CLINT1: variants seen among roughly 807,000 people sequenced by gnomAD.
CLINT1 encodes clathrin interacting protein localized in the trans-Golgi region.
CLINT1 carries 15 observed loss-of-function variants against 70.4 expected under a neutral mutation model. The ratio of observed to expected loss-of-function variants is 0.21; its 90% CI spans 0.14 to 0.33. The LOEUF (loss-of-function observed/expected upper bound fraction) is 0.33. Ranked by LOEUF, CLINT1 falls within the 10% of genes least tolerant of loss-of-function variation. The pLI is 1.00. For synonymous variants in CLINT1, 227 were observed against 254.7 expected (o/e 0.89, Z 1.04); for missense variants, 615 against 778.1 (o/e 0.79, Z 2.49).
chr5:157,831,837 G>A lies in CLINT1; in HGVS notation c.42-14290C>T, dbSNP rs376069533. On this transcript the variant is annotated intron_variant, in intron 1 of 11. Transcript: ENST00000411809. ...CTCCTGAGTAGCTGGGACTACAGGC[G>A]TACACCACCATGTCCAGCTAATTTT... Among the ~76,000 whole-genome samples, 128 of 151,850 alleles carry A rather than the reference G, an allele frequency of 8.4e-4. 1 individual carries two copies. Among genetic ancestry groups the A allele is most frequent in the African/African-American group, 2.7e-3 (112 of 41,428 alleles).
intron 8 of CLINT1, among the ~76,000 whole-genome samples, chr5:157,798,828 T>C (rs1040122904): frequency 6.6e-6 from 1 of 151,994 alleles, no homozygotes; most frequent in Non-Finnish European, 1.5e-5. Flanking sequence ...ATAAAAAAAC[T>C]AATGTCTAGA....
chr5:157,845,339 C>G (rs1470270762), intron 1 of CLINT1, among the ~76,000 whole-genome samples: 1 of 151,214 alleles, frequency 6.6e-6, no homozygotes, highest in Admixed American at 6.6e-5. Flanking sequence ...GCAGAGTAAG[C>G]CTCCATCTCA....
intron 1 of CLINT1, among the ~76,000 whole-genome samples, chr5:157,840,492 C>T (rs1329738142): frequency 5.3e-5 from 8 of 151,324 alleles, no homozygotes; most frequent in African/African-American, 1.9e-4. Context: ...TCCTTATTCT[C>T]AGGAAATGCA....
chr5:157,791,826 A>G lies in CLINT1; in HGVS notation c.1257T>C (p.Asn419=). The change falls in exon 10 of 12, where the codon AAT becomes AAC. Residue 419 remains asparagine, a synonymous_variant. Coordinates refer to ENST00000411809, the MANE Select transcript of CLINT1 (RefSeq NM_014666.4). ...CCATAAGATCAAACAGGTCTGAAGA[A>G]TTTGAGGCAGCAGGAGGTGGGCCTA... is the stretch of plus-strand genomic sequence containing the variant. The part of the protein sequence containing the change: ...SALGPPPAAS[N]SSDLFDLMGS... 6 of 1,613,990 alleles carry G rather than the reference A, an allele frequency of 3.7e-6. No homozygotes were observed. In the South Asian group the frequency reaches 6.6e-5, roughly 18 times the overall value.
chr5:157,830,145 G>A (rs1263092624), intron 1 of CLINT1, among the ~76,000 whole-genome samples: 2 of 151,712 alleles, frequency 1.3e-5, no homozygotes, highest in Non-Finnish European at 2.9e-5. Flanking sequence ...ATGGGGTTTC[G>A]CCATGTTGCC....
chr5:157,810,882 A>G (rs1762534452), intron 5 of CLINT1, among the ~76,000 whole-genome samples: 1 of 151,990 alleles, frequency 6.6e-6, no homozygotes, highest in African/African-American at 2.4e-5. Flanking sequence ...TGGAGATTGA[A>G]CAAAACGATT....
chr5:157,847,836 G>A (rs149645155), intron 1 of CLINT1, among the ~76,000 whole-genome samples: 26 of 152,220 alleles, frequency 1.7e-4, no homozygotes, highest in Non-Finnish European at 3.1e-4. Context: ...TTCTTGAGAC[G>A]ATGTCTCCCT....
Position 157,816,714 on chromosome 5 carries a change from A to T in CLINT1, c.243+20T>A. 1 of 1,549,834 alleles carries T rather than the reference A, an allele frequency of 6.5e-7. No individual in the cohort carries two copies. Among genetic ancestry groups the T allele is most frequent in the Non-Finnish European group, 8.9e-7 (1 of 1,126,528 alleles). On this transcript the variant is annotated intron_variant, in intron 3 of 11. Coordinates refer to ENST00000411809, the MANE Select transcript of CLINT1 (RefSeq NM_014666.4). ...TTGTTTTCAACATGTCAAGTAATTA[A>T]AGCAGACTTGTGTCCATACCTTATA...
At chr5:157,793,008 C>T (rs756044437) in intron 9 of CLINT1, among the ~76,000 whole-genome samples, 1 of 152,156 alleles carries the variant, frequency 6.6e-6, no homozygotes, top group Non-Finnish European at 1.5e-5. Context: ...CCAACCACTA[C>T]AATACCATGT....
intron 6 of CLINT1, 79 bp from the exon 7 acceptor site, chr5:157,806,191 A>G: frequency 4.9e-6 from 7 of 1,422,332 alleles, no homozygotes; most frequent in Non-Finnish European, 6.6e-6. Flanking sequence ...TGAGCTAAAG[A>G]ATTTCAAATA....
At chr5:157,843,971 CTG>C in intron 1 of CLINT1, among the ~76,000 whole-genome samples, 1 of 152,164 alleles carries the variant, frequency 6.6e-6, no homozygotes, top group Admixed American at 6.5e-5. Context: ...AAGTATATAA[CTG>C]TAAAAAACCT....
chr5:157,804,590 AT>A (rs1237513846), intron 7 of CLINT1, among the ~76,000 whole-genome samples: 1 of 151,854 alleles, frequency 6.6e-6, no homozygotes, highest in Admixed American at 6.6e-5. Flanking sequence ...CCTTCTAGAC[AT>A]TTTTTTTGAG....
Position 157,786,744 on chromosome 5 carries a change from G to A in CLINT1, c.*902C>T, listed in dbSNP as rs1281650997. The A allele has an allele frequency of 1.3e-5, 2 of 152,198 alleles. 1 individual carries two copies. Among genetic ancestry groups the A allele is most frequent in the African/African-American group, 4.8e-5 (2 of 41,318 alleles). 9.4% of individuals were successfully genotyped at this position (152,198 alleles called of 1,614,324 possible). A position where few individuals can be genotyped will look rare whatever the true frequency, so the allele number is the denominator to read the frequency against. ...TTTATATTTAACTTAAGGTTTTAATGGATTTTTACCTTTGCAGACACCCAA... is the reference window on the plus strand; with the variant it reads ...TTTATATTTAACTTAAGGTTTTAATAGATTTTTACCTTTGCAGACACCCAA... On this transcript the variant is annotated 3_prime_UTR_variant, in exon 12 of 12. Coordinates refer to ENST00000411809, the MANE Select transcript of CLINT1 (RefSeq NM_014666.4).
chr5:157,830,757 CCTCTCTCTCTCTCTCT>C lies in CLINT1; in HGVS notation c.42-13226_42-13211del, dbSNP rs373819711. Among the ~76,000 whole-genome samples, 13 of 87,414 alleles carry C rather than the reference CCTCTCTCTCTCTCTCT, an allele frequency of 1.5e-4. No individual in the cohort carries two copies. The East Asian group carries it at 2.0e-3, about 14-fold the overall frequency. The allele number at this position is 87,414 out of a possible 152,430, so 57.3% of individuals were successfully genotyped here. On this transcript the variant is annotated intron_variant, in intron 1 of 11. Transcript: ENST00000411809. ...CTCTCCCTGCCCCTCCCTCTCTCTCCCTCTCTCTCTCTCTCTCTCTCTCTCTCTCTCTCTCTCTCTA... is the reference window on the plus strand; with the variant it reads ...CTCTCCCTGCCCCTCCCTCTCTCTCCCTCTCTCTCTCTCTCTCTCTCTCTA...
intron 4 of CLINT1, among the ~76,000 whole-genome samples, chr5:157,813,674 A>G (rs62389010): frequency 7.2e-5 from 11 of 152,364 alleles, no homozygotes; most frequent in South Asian, 4.1e-4. Context: ...AACACTAATT[A>G]TGAGGTTTTA....
intron 1 of CLINT1, among the ~76,000 whole-genome samples, chr5:157,839,946 C>T (rs991774199): frequency 4.0e-5 from 6 of 151,540 alleles, no homozygotes; most frequent in South Asian, 2.1e-4. Context: ...AAGAGGAGGT[C>T]GGGCACCATG....
chr5:157,831,612 TA>T (rs1763246433), intron 1 of CLINT1, among the ~76,000 whole-genome samples: 1 of 151,688 alleles, frequency 6.6e-6, no homozygotes, highest in Non-Finnish European at 1.5e-5. Context: ...ACATTGTTCA[TA>T]GGGGCCAATT....
chr5:157,840,235 G>C (rs1753122732), intron 1 of CLINT1, among the ~76,000 whole-genome samples: 1 of 133,352 alleles, frequency 7.5e-6, no homozygotes, highest in African/African-American at 2.8e-5. Context: ...AAGAAGAACT[G>C]AGGAATAGTC....
intron 1 of CLINT1, among the ~76,000 whole-genome samples, chr5:157,838,909 C>T (rs1370660608): frequency 1.3e-5 from 2 of 152,182 alleles, no homozygotes; most frequent in Non-Finnish European, 2.9e-5. Flanking sequence ...AAATATAGTG[C>T]TCTTCACAAA....
Sources: allele counts gnomAD v4.1 joint callset (sites outside exome capture counted in the v4.1 genomes callset), GRCh38; gene constraint gnomAD v4.1.1; transcripts MANE v1.5; gene names NCBI Gene and HGNC (gene_info 2026-07-23, HGNC 2026-07-21).